Variants in CABCOCO1 observed in about 807,000 individuals in gnomAD.
CABCOCO1 encodes ciliary-associated calcium-binding coiled-coil protein 1.
A neutral mutation model predicts 35.7 loss-of-function variants in CABCOCO1; 28 were observed. That is an observed-to-expected ratio of 0.78 (90% CI 0.58 to 1.07). The LOEUF (loss-of-function observed/expected upper bound fraction) is 1.07, where lower values mean the gene tolerates loss of function less well. Among genes scored for constraint, CABCOCO1 ranks in the 50% least tolerant of loss-of-function variants. The pLI, the probability that CABCOCO1 is intolerant of heterozygous loss-of-function variation, is 0.00. For synonymous variants in CABCOCO1, 95 were observed against 100.1 expected (o/e 0.95, Z 0.30); for missense variants, 326 against 309.2 (o/e 1.05, Z -0.41).
chr10:61,739,446 G>C (rs1390161183), intron 5 of CABCOCO1, among the ~76,000 whole-genome samples: 1 of 152,132 alleles, frequency 6.6e-6, no homozygotes, highest in Non-Finnish European at 1.5e-5. Context: ...TCATGTAAAT[G>C]TTATAAACAG....
intron 4 of CABCOCO1, among the ~76,000 whole-genome samples, chr10:61,688,246 C>T (rs141242916): frequency 0.024 from 3,710 of 152,160 alleles, 82 homozygotes; most frequent in Non-Finnish European, 0.038. Flanking sequence ...ATGAAGGTAA[C>T]CCAGTTATCA....
At chr10:61,692,209 C>T (rs1209512116) in intron 5 of CABCOCO1, among the ~76,000 whole-genome samples, 1 of 152,160 alleles carries the variant, frequency 6.6e-6, no homozygotes, top group Non-Finnish European at 1.5e-5. Context: ...GATTGTATCT[C>T]ATTGTGGGTT....
intron 2 of CABCOCO1, among the ~76,000 whole-genome samples, chr10:61,677,734 T>C (rs1455688164): frequency 6.6e-6 from 1 of 150,972 alleles, no homozygotes; most frequent in African/African-American, 2.4e-5. Flanking sequence ...TGTGATGTTC[T>C]CCTTCCCGTG....
At chr10:61,677,896 C>T (rs1379690429) in intron 2 of CABCOCO1, among the ~76,000 whole-genome samples, 2 of 126,696 alleles carry the variant, frequency 1.6e-5, no homozygotes, top group South Asian at 2.6e-4. Context: ...AGAAGTGTTT[C>T]GTCTGTTTAA....
At chr10:61,718,194 CA>C (rs777532988) in intron 5 of CABCOCO1, among the ~76,000 whole-genome samples, 9 of 152,048 alleles carry the variant, frequency 5.9e-5, no homozygotes, top group Non-Finnish European at 1.0e-4. Context: ...TCCATAAAAT[CA>C]GTATGATTTT....
chr10:61,685,919 A>C, intron 3 of CABCOCO1, 122 bp from the exon 4 acceptor site: 1 of 824,044 alleles, frequency 1.2e-6, no homozygotes, highest in Non-Finnish European at 1.8e-6. Context: ...CAAGAGTTTT[A>C]CCATTTATCC....
At chr10:61,712,513 A>T (rs2132031044) in intron 5 of CABCOCO1, among the ~76,000 whole-genome samples, 1 of 152,094 alleles carries the variant, frequency 6.6e-6, no homozygotes, top group Admixed American at 6.6e-5. Flanking sequence ...GTTTAATTAG[A>T]TCCCATTTGT....
intron 5 of CABCOCO1, among the ~76,000 whole-genome samples, chr10:61,692,880 C>G: frequency 6.6e-6 from 1 of 152,114 alleles, no homozygotes; most frequent in East Asian, 1.9e-4. Context: ...CAATAATTAT[C>G]AGTTTGGAAT....
At chr10:61,670,072 AT>A (rs1839311418) in intron 1 of CABCOCO1, among the ~76,000 whole-genome samples, 1 of 152,120 alleles carries the variant, frequency 6.6e-6, no homozygotes, top group African/African-American at 2.4e-5. Flanking sequence ...ATGAAGATGA[AT>A]TTAGACAGTC....
intron 5 of CABCOCO1, among the ~76,000 whole-genome samples, chr10:61,744,204 A>G (rs972984036): frequency 2.0e-5 from 3 of 152,206 alleles, no homozygotes; most frequent in African/African-American, 7.2e-5. Context: ...GACGATACAC[A>G]GGATTTATAG....
chr10:61,750,433 T>C (rs1841755512), intron 5 of CABCOCO1, among the ~76,000 whole-genome samples: 2 of 151,966 alleles, frequency 1.3e-5, no homozygotes, highest in South Asian at 4.2e-4. Flanking sequence ...AAAATTAGCC[T>C]AGCGTGGTGG....
chr10:61,733,982 C>T (rs903833144), intron 5 of CABCOCO1, among the ~76,000 whole-genome samples: 46 of 152,158 alleles, frequency 3.0e-4, no homozygotes, highest in Non-Finnish European at 1.0e-4. Flanking sequence ...TTAGACTATA[C>T]ACTCATTTAT....
intron 5 of CABCOCO1, among the ~76,000 whole-genome samples, chr10:61,702,357 A>T (rs1363614430): frequency 6.6e-6 from 1 of 152,174 alleles, no homozygotes; most frequent in African/African-American, 2.4e-5. Flanking sequence ...AAAGTCCAAA[A>T]TTTATGATCA....
At chr10:61,760,319 T>C in intron 6 of CABCOCO1, 138 bp downstream of exon 6, 6 of 1,242,398 alleles carry the variant, frequency 4.8e-6, no homozygotes, top group Non-Finnish European at 4.4e-6. Flanking sequence ...TCTCTAAGTG[T>C]TGATTCAAAG....
intron 5 of CABCOCO1, among the ~76,000 whole-genome samples, chr10:61,691,058 A>T (rs1360928345): frequency 1.3e-5 from 2 of 152,114 alleles, no homozygotes; most frequent in Non-Finnish European, 2.9e-5. Flanking sequence ...TCCTCAGTGG[A>T]TCAAACCTAC....
intron 5 of CABCOCO1, among the ~76,000 whole-genome samples, chr10:61,733,483 G>A (rs2132057103): frequency 6.6e-6 from 1 of 152,166 alleles, no homozygotes; most frequent in South Asian, 2.1e-4. Flanking sequence ...AGCTGGAGAA[G>A]GACAGAATGA....
At chr10:61,670,225 A>G (rs1182202186) in intron 1 of CABCOCO1, among the ~76,000 whole-genome samples, 1 of 152,144 alleles carries the variant, frequency 6.6e-6, no homozygotes, top group African/African-American at 2.4e-5. Flanking sequence ...ATAAAAATAT[A>G]TATAATGAAA....
chr10:61,763,445 T>C (rs1842048071), intron 7 of CABCOCO1, among the ~76,000 whole-genome samples: 1 of 152,082 alleles, frequency 6.6e-6, no homozygotes, highest in African/African-American at 2.4e-5. Flanking sequence ...ATTTTAAGCC[T>C]GTATAGTTTA....
chr10:61,703,739 A>G, intron 5 of CABCOCO1, among the ~76,000 whole-genome samples: 1 of 151,958 alleles, frequency 6.6e-6, no homozygotes, highest in African/African-American at 2.4e-5. Context: ...ACACACACAC[A>G]TATGCACGCA....
Sources: allele counts gnomAD v4.1 joint callset (sites outside exome capture counted in the v4.1 genomes callset), GRCh38; gene constraint gnomAD v4.1.1; transcripts MANE v1.5; gene names NCBI Gene and HGNC (gene_info 2026-07-23, HGNC 2026-07-21).